Variants in SUSD4 observed in about 807,000 individuals in gnomAD.
SUSD4 encodes the protein sushi domain containing 4.
In SUSD4, 41 loss-of-function variants were observed where a neutral mutation model predicts 50.5. That is an observed-to-expected ratio of 0.81 (90% CI 0.63 to 1.05). The LOEUF (loss-of-function observed/expected upper bound fraction) is 1.05, where lower values mean the gene tolerates loss of function less well. Among genes scored for constraint, SUSD4 ranks in the 50% least tolerant of loss-of-function variants. The pLI is 0.00. For synonymous variants in SUSD4, 257 were observed against 257.3 expected (o/e 1.00, Z 0.01); for missense variants, 580 against 634.7 (o/e 0.91, Z 0.93).
At chr1:223,285,597 T>A (rs959851505) in intron 3 of SUSD4, among the ~76,000 whole-genome samples, 1 of 152,080 alleles carries the variant, frequency 6.6e-6, no homozygotes, top group Non-Finnish European at 1.5e-5. Flanking sequence ...AACCCAAATG[T>A]CAGCAAAAGC....
chr1:223,234,097 T>C (rs1387517786), intron 5 of SUSD4, among the ~76,000 whole-genome samples: 1 of 152,216 alleles, frequency 6.6e-6, no homozygotes, highest in African/African-American at 2.4e-5. Context: ...TAGTCTCTTG[T>C]GGAACTTCCC....
intron 2 of SUSD4, among the ~76,000 whole-genome samples, chr1:223,356,585 T>G (rs1572134194): frequency 6.6e-6 from 1 of 152,234 alleles, no homozygotes; most frequent in South Asian, 2.1e-4. Context: ...CAGATTTTGT[T>G]TTTTGATTAC....
chr1:223,340,970 T>C (rs1004374599), intron 2 of SUSD4, among the ~76,000 whole-genome samples: 1 of 152,232 alleles, frequency 6.6e-6, no homozygotes, highest in Admixed American at 6.5e-5. Flanking sequence ...AGGTGCCGAT[T>C]GTTCTAAGAG....
chr1:223,343,901 C>T (rs974844798), intron 2 of SUSD4, among the ~76,000 whole-genome samples: 31 of 152,310 alleles, frequency 2.0e-4, no homozygotes, highest in African/African-American at 6.7e-4. Context: ...ATTTCCACCA[C>T]CAACAGAGTA....
At position 223,221,830 on chromosome 1, in the gene SUSD4, AG is replaced by A; in HGVS notation, c.*361del. On this transcript the variant is annotated 3_prime_UTR_variant, in exon 9 of 9. Coordinates refer to ENST00000366878, the MANE Select transcript of SUSD4 (RefSeq NM_017982.4). ...TTTACATGATGTGACATGCTTTCAG[AG>A]GGGGCGGGGAGTACTTGCCAGTCAA... The A allele has an allele frequency of 4.7e-6, 1 of 210,682 alleles. No homozygotes were observed. The allele number at this position is 210,682 out of a possible 1,614,324, so 13.1% of individuals were successfully genotyped here.
At chr1:223,340,332 A>T (rs1205593104) in intron 2 of SUSD4, among the ~76,000 whole-genome samples, 2 of 152,148 alleles carry the variant, frequency 1.3e-5, no homozygotes, top group African/African-American at 4.8e-5. Flanking sequence ...CATTCTTCTG[A>T]GGGGGCAGAG....
chr1:223,244,876 C>T (rs1433836874), intron 5 of SUSD4, among the ~76,000 whole-genome samples: 1 of 152,202 alleles, frequency 6.6e-6, no homozygotes, highest in Non-Finnish European at 1.5e-5. Flanking sequence ...CTGTGCCACA[C>T]TGGAGACCAA....
At chr1:223,362,571 C>T (rs1171685146) in intron 2 of SUSD4, among the ~76,000 whole-genome samples, 2 of 152,136 alleles carry the variant, frequency 1.3e-5, no homozygotes, top group African/African-American at 4.8e-5. Context: ...ATTAGCCGCC[C>T]ACGGAGGCTG....
At chr1:223,237,891 T>C (rs936861557) in intron 5 of SUSD4, among the ~76,000 whole-genome samples, 1 of 152,064 alleles carries the variant, frequency 6.6e-6, no homozygotes, top group Non-Finnish European at 1.5e-5. Flanking sequence ...CTTCTGCTTC[T>C]ATCCTCCAAA....
intron 2 of SUSD4, among the ~76,000 whole-genome samples, chr1:223,361,733 T>C (rs1191206057): frequency 6.6e-6 from 1 of 152,114 alleles, no homozygotes; most frequent in Non-Finnish European, 1.5e-5. Context: ...ATAAGAGAAA[T>C]GGACCAAGAA....
intron 5 of SUSD4, among the ~76,000 whole-genome samples, chr1:223,262,565 A>G (rs1332556595): frequency 6.6e-6 from 1 of 152,222 alleles, no homozygotes; most frequent in African/African-American, 2.4e-5. Flanking sequence ...CTCTAGGCAC[A>G]TCTGGATAAC....
intron 7 of SUSD4, among the ~76,000 whole-genome samples, chr1:223,224,608 G>A (rs1361393336): frequency 6.6e-6 from 1 of 152,208 alleles, no homozygotes; most frequent in Non-Finnish European, 1.5e-5. Flanking sequence ...CAAGGCCCGG[G>A]TTGCTGGTGT....
In SUSD4 at chr1:223,330,171, T is replaced by C. The variant is rs144176795; in HGVS notation, c.148+33107A>G. On this transcript the variant is annotated intron_variant, in intron 2 of 8. Transcript: ENST00000366878. ...CATTCTCATTATCACACTCATTTGA[T>C]TCCTAAGCACGTTCTCAGCTGGGGA... Among the ~76,000 whole-genome samples, 4 of 152,310 alleles carry C rather than the reference T, an allele frequency of 2.6e-5. No homozygotes were observed. The East Asian group carries it at 5.8e-4, about 22-fold the overall frequency.
chr1:223,323,699 C>T (rs1324541860), intron 2 of SUSD4, among the ~76,000 whole-genome samples: 1 of 152,106 alleles, frequency 6.6e-6, no homozygotes, highest in Non-Finnish European at 1.5e-5. Context: ...GTCACAGTAG[C>T]TGTGAACTCC....
chr1:223,283,541 ACACCAGTTGGAATG>A (rs1409735266), intron 3 of SUSD4, among the ~76,000 whole-genome samples: 2 of 152,226 alleles, frequency 1.3e-5, no homozygotes, highest in African/African-American at 4.8e-5. Flanking sequence ...ATACCATCTC[ACACCAGTTGGAATG>A]GTGATCATTA....
chr1:223,329,203 C>A (rs1467958604), intron 2 of SUSD4, among the ~76,000 whole-genome samples: 1 of 152,088 alleles, frequency 6.6e-6, no homozygotes, highest in Non-Finnish European at 1.5e-5. Context: ...CTTTGAAGTC[C>A]AGTATTGTAT....
intron 5 of SUSD4, among the ~76,000 whole-genome samples, chr1:223,258,432 T>A (rs1441742859): frequency 2.0e-5 from 3 of 152,066 alleles, no homozygotes; most frequent in African/African-American, 7.2e-5. Context: ...TCTTAGGAAA[T>A]CACACTGCTG....
intron 3 of SUSD4, among the ~76,000 whole-genome samples, chr1:223,274,128 T>C (rs980850724): frequency 7.9e-5 from 12 of 152,168 alleles, no homozygotes; most frequent in African/African-American, 2.9e-4. Context: ...CTGTTCCATA[T>C]CAGTGCCATT....
chr1:223,349,716 A>G (rs1668250822), intron 2 of SUSD4, among the ~76,000 whole-genome samples: 1 of 152,130 alleles, frequency 6.6e-6, no homozygotes, highest in Non-Finnish European at 1.5e-5. Flanking sequence ...CCTAATTGCC[A>G]CTTCCTTCAG....
Sources: gnomAD v4.1 joint callset for allele counts (sites outside exome capture counted in the v4.1 genomes callset) on GRCh38, gnomAD v4.1.1 for gene constraint, MANE v1.5 for transcripts, NCBI Gene and HGNC (gene_info 2026-07-23, HGNC 2026-07-21) for gene names.